SMARCC1: variants seen among roughly 807,000 people sequenced by gnomAD.
SMARCC1 encodes the protein SWI/SNF related BAF chromatin remodeling complex subunit C1.
SMARCC1 carries 43 observed loss-of-function variants against 147.4 expected under a neutral mutation model. That is an observed-to-expected ratio of 0.29 (90% CI 0.23 to 0.38). SMARCC1 has a LOEUF of 0.38. Ranked by LOEUF, SMARCC1 falls within the 10% of genes least tolerant of loss-of-function variation. The pLI, the probability that SMARCC1 is intolerant of heterozygous loss-of-function variation, is 1.00. For missense variants in SMARCC1, 1,119 were observed against 1,381.1 expected, an observed-to-expected ratio of 0.81 and a Z score of 3.01; for synonymous variants, 495 against 484.4, an observed-to-expected ratio of 1.02 and a Z score of -0.29.
intron 2 of SMARCC1, among the ~76,000 whole-genome samples, chr3:47,770,866 A>T (rs2034904871): frequency 6.6e-6 from 1 of 152,072 alleles, no homozygotes; most frequent in Non-Finnish European, 1.5e-5. Context: ...AGACAAACAC[A>T]TTTACAGCAA....
At chr3:47,612,039 G>A (rs2032572033) in intron 25 of SMARCC1, among the ~76,000 whole-genome samples, 1 of 152,160 alleles carries the variant, frequency 6.6e-6, no homozygotes, top group African/African-American at 2.4e-5. Context: ...ATAGTCTAGT[G>A]TGGGCTCTTC....
intron 2 of SMARCC1, among the ~76,000 whole-genome samples, chr3:47,755,848 G>A (rs1278876032): frequency 1.3e-5 from 2 of 152,016 alleles, no homozygotes; most frequent in Non-Finnish European, 2.9e-5. Flanking sequence ...AAAGTAGCCA[G>A]GCGTGGTGGC....
chr3:47,595,278 A>C (rs2032255179), intron 26 of SMARCC1, among the ~76,000 whole-genome samples: 1 of 152,196 alleles, frequency 6.6e-6, no homozygotes, highest in African/African-American at 2.4e-5. Context: ...CTGTAATCCC[A>C]GTACTTTGGG....
chr3:47,593,564 T>A (rs1030809598), intron 26 of SMARCC1, among the ~76,000 whole-genome samples: 1 of 152,156 alleles, frequency 6.6e-6, no homozygotes, highest in African/African-American at 2.4e-5. Flanking sequence ...GACTTTACTA[T>A]CTATGTAAGG....
intron 1 of SMARCC1, among the ~76,000 whole-genome samples, chr3:47,776,438 C>G (rs560734150): frequency 2.6e-5 from 4 of 152,166 alleles, no homozygotes; most frequent in Admixed American, 1.3e-4. Flanking sequence ...TCCATCTCTA[C>G]TAAAAAAATA....
chr3:47,778,311 T>TGTTTC (rs1389488613), intron 1 of SMARCC1, among the ~76,000 whole-genome samples: 1 of 150,962 alleles, frequency 6.6e-6, no homozygotes, highest in East Asian at 1.9e-4. Context: ...TGTTTTGTTT[T>TGTTTC]GTTTCGTTTT....
At chr3:47,742,778 T>G (rs2034523701) in intron 3 of SMARCC1, among the ~76,000 whole-genome samples, 1 of 152,152 alleles carries the variant, frequency 6.6e-6, no homozygotes, top group Non-Finnish European at 1.5e-5. Context: ...AGGCTGAGTT[T>G]TCCCACATTG....
chr3:47,687,838 C>G (rs183074483), intron 13 of SMARCC1, among the ~76,000 whole-genome samples: 6 of 152,300 alleles, frequency 3.9e-5, no homozygotes, highest in Non-Finnish European at 5.9e-5. Flanking sequence ...TTTTGGCTCA[C>G]GCCAGCATAG....
intron 2 of SMARCC1, among the ~76,000 whole-genome samples, chr3:47,770,368 C>T (rs997956118): frequency 6.6e-6 from 1 of 152,098 alleles, no homozygotes; most frequent in South Asian, 2.1e-4. Flanking sequence ...CACCTATAAT[C>T]CCAGCACTTT....
At chr3:47,762,137 A>G (rs2034780910) in intron 2 of SMARCC1, among the ~76,000 whole-genome samples, 1 of 152,198 alleles carries the variant, frequency 6.6e-6, no homozygotes, top group Non-Finnish European at 1.5e-5. Flanking sequence ...AGAGAGGACT[A>G]TTAAGAAAAA....
rs2032095629 is a variant in SMARCC1 at position 47,587,771 on chromosome 3, T to C, written c.*438A>G. 6.3e-6 allele frequency: 1 copy of C among 157,846 alleles called. No individual in the cohort carries two copies. The highest frequency in any genetic ancestry group is 1.4e-5 in the Non-Finnish European group (1 of 71,524). 9.8% of individuals were successfully genotyped at this position (157,846 alleles called of 1,614,324 possible). A position where few individuals can be genotyped will look rare whatever the true frequency, so the allele number is the denominator to read the frequency against. ...CATTATTTTTTGGTTCCTATTAACT[T>C]AGGATGCTCTCCTTTAAAACAATAA... On this transcript the variant is annotated 3_prime_UTR_variant, in exon 28 of 28. Coordinates refer to ENST00000254480, the MANE Select transcript of SMARCC1 (RefSeq NM_003074.4).
chr3:47,737,501 AT>A (rs1327843108), intron 4 of SMARCC1, among the ~76,000 whole-genome samples: 2 of 152,228 alleles, frequency 1.3e-5, no homozygotes, highest in Admixed American at 1.3e-4. Context: ...ATAAATTTTA[AT>A]ACTCTTAAAG....
chr3:47,622,330 T>C lies in SMARCC1; in HGVS notation c.2658A>G (p.Ala886=). ...GGGACTTGATCTTTCTTTCTTCCAC[T>C]GCAGCCAGGTGCTAAGGGTACAAGA... The part of the protein sequence containing the change: ...SAATKAKHLA[A]VEERKIKSLV... The change falls in exon 25 of 28, where the codon GCA becomes GCG. Residue 886 remains alanine (A), a synonymous_variant. Coordinates refer to ENST00000254480, the MANE Select transcript of SMARCC1 (RefSeq NM_003074.4). 1 of 1,613,826 alleles carries C rather than the reference T, an allele frequency of 6.2e-7. No individual in the cohort carries two copies. The highest frequency in any genetic ancestry group is 8.5e-7 in the Non-Finnish European group (1 of 1,179,888).
At chr3:47,737,932 G>C in intron 4 of SMARCC1, 97 bp downstream of exon 4, 1 of 714,388 alleles carries the variant, frequency 1.4e-6, no homozygotes, top group South Asian at 1.9e-5. Flanking sequence ...CAAAGTGCTG[G>C]GATTACAGGC....
At chr3:47,626,971 T>C (rs2032819726) in intron 24 of SMARCC1, among the ~76,000 whole-genome samples, 1 of 152,182 alleles carries the variant, frequency 6.6e-6, no homozygotes, top group Admixed American at 6.5e-5. Context: ...TAAACCTACC[T>C]ATGAAGTTAA....
At chr3:47,593,375 T>C (rs1304707986) in intron 26 of SMARCC1, among the ~76,000 whole-genome samples, 1 of 151,782 alleles carries the variant, frequency 6.6e-6, no homozygotes, top group Non-Finnish European at 1.5e-5. Context: ...TTGCACCATG[T>C]TGCCCAGGCT....
chr3:47,600,023 G>A lies in SMARCC1; in HGVS notation c.3044-9186C>T, dbSNP rs529638359. 6.6e-5 allele frequency among the ~76,000 whole-genome samples: 10 copies of A among 152,228 alleles called. No homozygotes were observed. The South Asian group carries it at 1.9e-3, about 28-fold the overall frequency. ...TCTTTATGAATACAAGCTGGAATAG[G>A]GCAGCTTTAGGGTTTTCCAAGGCTG... is the stretch of plus-strand genomic sequence containing the variant. On this transcript the variant is annotated intron_variant, in intron 26 of 27. Transcript: ENST00000254480.
At chr3:47,761,054 A>G (rs1576434280) in intron 2 of SMARCC1, among the ~76,000 whole-genome samples, 1 of 151,750 alleles carries the variant, frequency 6.6e-6, no homozygotes. Context: ...AATGGCTTGA[A>G]CCCGGGAAGG....
In SMARCC1 at chr3:47,654,385, G is replaced by A. The variant is rs560908349; in HGVS notation, c.2320+6909C>T. Among the ~76,000 whole-genome samples the A allele has an allele frequency of 4.6e-5, 7 of 152,208 alleles. No individual in the cohort carries two copies. In the South Asian group the frequency reaches 1.2e-3, roughly 27 times the overall value. ...CCTGCTAATTTCAGTCTCCATATAA[G>A]AAAAAGAAAATAAGTTAATTTTCAA... is the stretch of plus-strand genomic sequence containing the variant. On this transcript the variant is annotated intron_variant, in intron 21 of 27. Coordinates refer to ENST00000254480, the MANE Select transcript of SMARCC1 (RefSeq NM_003074.4).
Sources: allele counts gnomAD v4.1 joint callset (sites outside exome capture counted in the v4.1 genomes callset), GRCh38; gene constraint gnomAD v4.1.1; transcripts MANE v1.5; gene names NCBI Gene and HGNC (gene_info 2026-07-23, HGNC 2026-07-21).